The following NSD1 variants were observed in gnomAD, a reference collection of about 807,000 sequenced individuals.
The protein encoded by NSD1 is nuclear receptor binding SET domain protein 1, also known as histone-lysine N-methyltransferase, H3 lysine-36 specific.
A neutral mutation model predicts 242.7 loss-of-function variants in NSD1; 26 were observed. That is an observed-to-expected ratio of 0.11 (90% confidence interval 0.08 to 0.15). The LOEUF (loss-of-function observed/expected upper bound fraction) is 0.15, where lower values mean the gene tolerates loss of function less well. Ranked by LOEUF, NSD1 falls within the 10% of genes least tolerant of loss-of-function variation. The probability of loss-of-function intolerance (pLI) is 1.00; values close to 1 mark genes in which losing one functional copy is unlikely to be tolerated. For missense variants in NSD1, 2,495 were observed against 3,272.8 expected (o/e 0.76, Z 5.80); for synonymous variants, 1,106 against 1,178.1 (o/e 0.94, Z 1.25).
intron 1 of NSD1, 86 bp from the exon 2 acceptor site, chr5:177,135,001 A>G (rs1046086187): frequency 4.3e-6 from 5 of 1,174,804 alleles, no homozygotes; most frequent in Non-Finnish European, 5.1e-6. Flanking sequence ...CATAGAGGCC[A>G]CTAGGCCTTG....
intron 2 of NSD1, among the ~76,000 whole-genome samples, chr5:177,182,135 G>A (rs1760742365): frequency 6.7e-6 from 1 of 148,466 alleles, no homozygotes; most frequent in Non-Finnish European, 1.5e-5. Flanking sequence ...CTGGGTGACA[G>A]AGTGAGACTC....
intron 2 of NSD1, among the ~76,000 whole-genome samples, chr5:177,185,032 T>C (rs1042974948): frequency 6.6e-6 from 1 of 152,116 alleles, no homozygotes; most frequent in African/African-American, 2.4e-5. Context: ...TTATGGGAGT[T>C]TTTGGTAACT....
chr5:177,281,369 G>A (rs1162584053), intron 18 of NSD1, among the ~76,000 whole-genome samples: 1 of 147,840 alleles, frequency 6.8e-6, no homozygotes, highest in Non-Finnish European at 1.5e-5. Flanking sequence ...CCTTATTCTG[G>A]TTACATTTTC....
chr5:177,144,499 GATAATCAGA>G (rs1396401662), intron 2 of NSD1, among the ~76,000 whole-genome samples: 1 of 151,938 alleles, frequency 6.6e-6, no homozygotes, highest in Non-Finnish European at 1.5e-5. Context: ...ATTTTTGTTT[GATAATCAGA>G]ATAATTTAAT....
intron 3 of NSD1, among the ~76,000 whole-genome samples, chr5:177,194,512 TTAA>T (rs1761944746): frequency 6.7e-6 from 1 of 149,222 alleles, no homozygotes; most frequent in Admixed American, 6.7e-5. Context: ...AATCCTGAGC[TTAA>T]TAAGGGATCC....
chr5:177,247,646 T>TA (rs1349699395), intron 10 of NSD1, among the ~76,000 whole-genome samples: 1 of 152,050 alleles, frequency 6.6e-6, no homozygotes, highest in Non-Finnish European at 1.5e-5. Flanking sequence ...ATCAGCTACT[T>TA]AATCTTAGGA....
chr5:177,230,763 G>T (rs1764994529), intron 5 of NSD1, among the ~76,000 whole-genome samples: 2 of 150,930 alleles, frequency 1.3e-5, no homozygotes, highest in Non-Finnish European at 3.0e-5. Flanking sequence ...TGAGGTGAAG[G>T]TTGCTGTGAG....
chr5:177,189,384 A>C (rs1761492774), intron 2 of NSD1, among the ~76,000 whole-genome samples: 1 of 152,170 alleles, frequency 6.6e-6, no homozygotes, highest in Non-Finnish European at 1.5e-5. Context: ...TATTGAATGC[A>C]TGTATTTTAT....
At chr5:177,136,236 A>G (rs1756318439) in intron 2 of NSD1, 1 of 538,804 alleles carries the variant, frequency 1.9e-6, no homozygotes, top group African/African-American at 1.9e-5. Context: ...AGCTTTTTCC[A>G]AATAACTCTT....
chr5:177,215,190 T>C (rs1448122826), intron 5 of NSD1, among the ~76,000 whole-genome samples: 2 of 151,954 alleles, frequency 1.3e-5, no homozygotes, highest in African/African-American at 2.4e-5. Flanking sequence ...ATTTTTTTTT[T>C]TTTTTTGAGA....
chr5:177,150,612 CT>C (rs761845305), intron 2 of NSD1, among the ~76,000 whole-genome samples: 18 of 149,456 alleles, frequency 1.2e-4, no homozygotes, highest in Non-Finnish European at 2.4e-4. Flanking sequence ...TACCATAATG[CT>C]CTTCTAGCAA....
chr5:177,141,203 G>A (rs1034812952), intron 2 of NSD1, among the ~76,000 whole-genome samples: 1 of 151,200 alleles, frequency 6.6e-6, no homozygotes, highest in Non-Finnish European at 1.5e-5. Context: ...TATATTTTTA[G>A]TAGAGACGGG....
At chr5:177,194,802 C>T (rs1354793600) in intron 3 of NSD1, among the ~76,000 whole-genome samples, 2 of 145,208 alleles carry the variant, frequency 1.4e-5, no homozygotes, top group Non-Finnish European at 3.0e-5. Context: ...CCTGGGTTCA[C>T]ACCATTCTCC....
chr5:177,158,998 T>TTATATATATATATGAATGATATATATA (rs1554173190), intron 2 of NSD1, among the ~76,000 whole-genome samples: 1 of 122,612 alleles, frequency 8.2e-6, no homozygotes, highest in African/African-American at 3.8e-5. Context: ...ATGAATGATT[T>TTATATATATATATGAATGATATATATA]TATATATATA....
intron 2 of NSD1, among the ~76,000 whole-genome samples, chr5:177,158,977 C>T (rs896963676): frequency 2.4e-5 from 3 of 125,798 alleles, no homozygotes; most frequent in African/African-American, 8.7e-5. Flanking sequence ...CACATATATA[C>T]ACACATATAT....
rs60995782 is a variant in NSD1, at chr5:177,300,057, G to GCCCCCC, written c.*4606_*4611dup. 134 of 134,926 alleles carry GCCCCCC rather than the reference G, an allele frequency of 9.9e-4. 1 individual carries two copies. Among genetic ancestry groups the GCCCCCC allele is most frequent in the African/African-American group, 2.7e-3 (66 of 24,326 alleles). 8.4% of individuals were successfully genotyped at this position (134,926 alleles called of 1,614,324 possible). ...AGGTCCATCATTGCTTTTTTGCCGCGCCCCCCCCCCCCCGCCCCCATAGAT... is the reference window on the plus strand; with the variant it reads ...AGGTCCATCATTGCTTTTTTGCCGCGCCCCCCCCCCCCCCCCCCCGCCCCCATAGAT... On this transcript the variant is annotated 3_prime_UTR_variant, in exon 23 of 23. Coordinates refer to ENST00000439151, the MANE Select transcript of NSD1 (RefSeq NM_022455.5).
chr5:177,245,882 C>G (rs140051088), intron 9 of NSD1, among the ~76,000 whole-genome samples: 1 of 152,046 alleles, frequency 6.6e-6, no homozygotes, highest in South Asian at 2.1e-4. Context: ...CGTGATCTGT[C>G]CACCTTGGCC....
intron 2 of NSD1, among the ~76,000 whole-genome samples, chr5:177,162,390 A>G (rs866155158): frequency 2.2e-5 from 3 of 137,736 alleles, no homozygotes; most frequent in African/African-American, 2.7e-5. Flanking sequence ...GGAAGTCATT[A>G]TAGTTTGTTT....
intron 17 of NSD1, among the ~76,000 whole-genome samples, chr5:177,279,765 C>A (rs942673908): frequency 1.4e-4 from 21 of 150,292 alleles, no homozygotes; most frequent in African/African-American, 5.1e-4. Flanking sequence ...TACAGGTGCC[C>A]GCCACCACGC....
Sources: gnomAD v4.1 joint callset for allele counts (sites outside exome capture counted in the v4.1 genomes callset) on GRCh38, gnomAD v4.1.1 for gene constraint, MANE v1.5 for transcripts, NCBI Gene and HGNC (gene_info 2026-07-23, HGNC 2026-07-21) for gene names.